ARB2A: variants seen among roughly 807,000 people sequenced by gnomAD.
ARB2A encodes ARB2 cotranscriptional regulator A, also known as cotranscriptional regulator ARB2A.
chr5:94,047,171 G>C, the ARB2A span, among the ~76,000 whole-genome samples: 29 of 152,254 alleles, frequency 1.9e-4, no homozygotes, highest in Middle Eastern at 3.4e-3. Context: ...GGAGTCCACT[G>C]ATCTAAATAG....
the ARB2A span, among the ~76,000 whole-genome samples, chr5:93,830,244 T>G: frequency 4.1e-4 from 61 of 148,398 alleles, 1 homozygote; most frequent in Admixed American, 3.3e-3. Context: ...TCCTAAATAC[T>G]CCATATATGG....
chr5:94,049,107 A>G, the ARB2A span, among the ~76,000 whole-genome samples: 1 of 152,244 alleles, frequency 6.6e-6, no homozygotes, highest in African/African-American at 2.4e-5. Flanking sequence ...TCTAGTTATC[A>G]CACTAAAACT....
chr5:94,076,899 G>GT, the ARB2A span, among the ~76,000 whole-genome samples: 5 of 152,060 alleles, frequency 3.3e-5, no homozygotes, highest in Non-Finnish European at 7.4e-5. Flanking sequence ...TTATGTCATT[G>GT]TGACTGGTTT....
the ARB2A span, among the ~76,000 whole-genome samples, chr5:93,799,684 C>T: frequency 2.0e-5 from 3 of 152,092 alleles, no homozygotes; most frequent in African/African-American, 4.8e-5. Flanking sequence ...AGGAAACTAA[C>T]ATTTCAAATT....
At chr5:94,010,612 T>A in the ARB2A span, among the ~76,000 whole-genome samples, 17 of 152,238 alleles carry the variant, frequency 1.1e-4, no homozygotes, top group African/African-American at 4.1e-4. Context: ...AAGGGATCTC[T>A]AAACTGTCAA....
chr5:93,741,572 T>A, the ARB2A span: 1 of 1,525,200 alleles, frequency 6.6e-7, no homozygotes, highest in Non-Finnish European at 8.8e-7. Context: ...ATGGGTGGAA[T>A]GGCACCCGCA....
At chr5:94,093,674 TG>T in the ARB2A span, among the ~76,000 whole-genome samples, 4 of 152,148 alleles carry the variant, frequency 2.6e-5, no homozygotes, top group African/African-American at 9.7e-5. Flanking sequence ...ACATGCAAAA[TG>T]CATTCATTAC....
the ARB2A span, among the ~76,000 whole-genome samples, chr5:93,910,268 G>A: frequency 4.6e-5 from 7 of 150,608 alleles, no homozygotes; most frequent in East Asian, 1.4e-3. Flanking sequence ...TTCCATGGGG[G>A]GGCAATTATA....
the ARB2A span, among the ~76,000 whole-genome samples, chr5:93,760,963 C>A: frequency 4.6e-5 from 7 of 152,218 alleles, no homozygotes; most frequent in African/African-American, 1.7e-4. Flanking sequence ...AGTAAACAGA[C>A]AACCCACAGA....
chr5:93,889,558 G>A, the ARB2A span, among the ~76,000 whole-genome samples: 1 of 151,614 alleles, frequency 6.6e-6, no homozygotes, highest in East Asian at 1.9e-4. Flanking sequence ...GATGTCACTG[G>A]GTCAAACAGC....
At chr5:94,051,462 T>C in the ARB2A span, among the ~76,000 whole-genome samples, 1 of 152,110 alleles carries the variant, frequency 6.6e-6, no homozygotes, top group Non-Finnish European at 1.5e-5. Context: ...AAAGCAAAGA[T>C]CTTTACGGAT....
At chr5:93,884,355 G>C in the ARB2A span, among the ~76,000 whole-genome samples, 3 of 151,502 alleles carry the variant, frequency 2.0e-5, no homozygotes, top group Non-Finnish European at 4.4e-5. Context: ...TCTGAAATTT[G>C]ATATGTTCCA....
chr5:93,931,734 C>G, the ARB2A span, among the ~76,000 whole-genome samples: 1 of 150,140 alleles, frequency 6.7e-6, no homozygotes, highest in African/African-American at 2.5e-5. Context: ...AACCAGCAGT[C>G]AGATTAAAAA....
the ARB2A span, among the ~76,000 whole-genome samples, chr5:93,637,111 C>T: frequency 6.6e-6 from 1 of 152,200 alleles, no homozygotes; most frequent in South Asian, 2.1e-4. Context: ...TTGGCAACTA[C>T]TGATCTGTTT....
the ARB2A span, among the ~76,000 whole-genome samples, chr5:93,724,930 T>A: frequency 6.6e-6 from 1 of 152,008 alleles, no homozygotes; most frequent in African/African-American, 2.4e-5. Context: ...CTGCCACAGC[T>A]GATACAATAA....
chr5:93,785,163 T>G, the ARB2A span, among the ~76,000 whole-genome samples: 1 of 152,200 alleles, frequency 6.6e-6, no homozygotes, highest in Non-Finnish European at 1.5e-5. Flanking sequence ...TTTGCTTGGC[T>G]TGGAGATACC....
the ARB2A span, chr5:93,741,265 A>G: frequency 6.2e-7 from 1 of 1,613,824 alleles, no homozygotes; most frequent in Non-Finnish European, 8.5e-7. Flanking sequence ...GGGCCCCGGG[A>G]GGGCGCCTTC....
At chr5:93,766,861 A>G in the ARB2A span, among the ~76,000 whole-genome samples, 15 of 152,168 alleles carry the variant, frequency 9.9e-5, no homozygotes, top group Admixed American at 2.0e-4. Context: ...ATGCAGCCAT[A>G]AAACAGGATG....
At chr5:94,024,788 G>C in the ARB2A span, among the ~76,000 whole-genome samples, 1 of 152,136 alleles carries the variant, frequency 6.6e-6, no homozygotes, top group Non-Finnish European at 1.5e-5. Context: ...ATGGGAGGGA[G>C]GTGGTGAAGC....
Sources: gnomAD v4.1 joint callset for allele counts (sites outside exome capture counted in the v4.1 genomes callset) on GRCh38, gnomAD v4.1.1 for gene constraint, MANE v1.5 for transcripts, NCBI Gene and HGNC (gene_info 2026-07-23, HGNC 2026-07-21) for gene names.